INO80: variants seen among roughly 807,000 people sequenced by gnomAD.
INO80 encodes the protein chromatin-remodeling ATPase INO80.
In INO80, 20 loss-of-function variants were observed where a neutral mutation model predicts 203.4. That is an observed-to-expected ratio of 0.10 (90% CI 0.07 to 0.14). The LOEUF is 0.14. INO80 is among the 10% of genes least tolerant of loss of function. The probability of loss-of-function intolerance (pLI) is 1.00; values close to 1 mark genes in which losing one functional copy is unlikely to be tolerated. For missense variants in INO80, 1,419 were observed against 1,914.4 expected, an observed-to-expected ratio of 0.74 and a Z score of 4.83; for synonymous variants, 726 against 685.2, an observed-to-expected ratio of 1.06 and a Z score of -0.93.
intron 24 of INO80, among the ~76,000 whole-genome samples, chr15:41,035,122 T>C (rs544015206): frequency 6.6e-6 from 1 of 152,330 alleles, no homozygotes; most frequent in African/African-American, 2.4e-5. Flanking sequence ...TCCAAAATCC[T>C]TTCTAGTTGA....
chr15:41,069,659 T>A lies in INO80; in HGVS notation c.1693A>T (p.Asn565Tyr). 6.2e-7 allele frequency: 1 copy of A among 1,601,904 alleles called. No homozygotes were observed. Among genetic ancestry groups the A allele is most frequent in the Non-Finnish European group, 8.5e-7 (1 of 1,171,756 alleles). ...ALLAHLAERE[N>Y]IWGPFLIISP... ...ATTATTAAGAAAGGTCCCCAAATGT[T>A]CTCTCTCTGCAACAGAAAAACCCAG... is the stretch of plus-strand genomic sequence containing the variant. The change falls in exon 14 of 36, where the codon AAC becomes TAC. Residue 565 changes from asparagine to tyrosine, a missense_variant. Asn to Tyr is a moderately radical substitution (Grantham distance 143). Around this residue, in one of 9 missense-constraint regions of INO80, gnomAD observed 192 missense variants for 406.7 expected, o/e 0.47. Transcript: ENST00000648947.
At chr15:41,001,231 C>G (rs1251267157) in intron 28 of INO80, among the ~76,000 whole-genome samples, 1 of 152,158 alleles carries the variant, frequency 6.6e-6, no homozygotes, top group African/African-American at 2.4e-5. Context: ...GCTGAAAAGG[C>G]ATCTCAACTC....
chr15:41,034,137 T>G (rs963177785), intron 24 of INO80, among the ~76,000 whole-genome samples: 18 of 152,230 alleles, frequency 1.2e-4, no homozygotes, highest in Admixed American at 9.2e-4. Flanking sequence ...CTTAGCCTAG[T>G]TCTTAGCTTC....
At chr15:41,060,759 G>C (rs1266274274) in intron 14 of INO80, among the ~76,000 whole-genome samples, 1 of 152,098 alleles carries the variant, frequency 6.6e-6, no homozygotes, top group Non-Finnish European at 1.5e-5. Flanking sequence ...CTGAATTCCA[G>C]ATTAAAAAGG....
rs760243088 is a variant in INO80 at position 40,984,360 on chromosome 15, C to A, written c.3922-8G>T. On this transcript the variant is annotated splice_polypyrimidine_tract_variant and splice_region_variant and intron_variant, in intron 32 of 35. Transcript: ENST00000648947. ...TTCATCTTCTTTTTTCTTCTGGGAACACACGGATAAATATGGAAAACGTGT... is the reference window on the plus strand; with the variant it reads ...TTCATCTTCTTTTTTCTTCTGGGAAAACACGGATAAATATGGAAAACGTGT... 6.2e-7 allele frequency: 1 copy of A among 1,613,300 alleles called. No homozygotes were observed. The highest frequency in any genetic ancestry group is 1.1e-5 in the South Asian group (1 of 91,034).
At chr15:41,063,191 G>A (rs2045144864) in intron 14 of INO80, among the ~76,000 whole-genome samples, 1 of 151,820 alleles carries the variant, frequency 6.6e-6, no homozygotes, top group Non-Finnish European at 1.5e-5. Context: ...ACCAAAATTA[G>A]TTGGGTGTGG....
At chr15:41,073,326 T>TA (rs1213869973) in intron 11 of INO80, 102 bp downstream of exon 11, 1 of 989,256 alleles carries the variant, frequency 1.0e-6, no homozygotes, top group Non-Finnish European at 1.6e-6. Flanking sequence ...TCTATGCTTT[T>TA]AATTGCAAAT....
At chr15:41,016,531 T>A (rs1173766843) in intron 26 of INO80, among the ~76,000 whole-genome samples, 2 of 152,254 alleles carry the variant, frequency 1.3e-5, no homozygotes, top group African/African-American at 4.8e-5. Flanking sequence ...TGGACATCTA[T>A]GGGTGACATC....
At chr15:41,057,797 C>CAAAAAAAAAAAAAAAA (rs35197370) in intron 16 of INO80, among the ~76,000 whole-genome samples, 2 of 29,338 alleles carry the variant, frequency 6.8e-5, no homozygotes, top group African/African-American at 1.2e-4. Flanking sequence ...AACTACATCT[C>CAAAAAAAAAAAAAAAA]AAAAAAAAAA....
chr15:41,079,996 C>A, intron 8 of INO80, 92 bp from the exon 9 acceptor site: 1 of 1,089,602 alleles, frequency 9.2e-7, no homozygotes, highest in South Asian at 1.3e-5. Context: ...TCAATCTGTT[C>A]AGCCAAACTG....
chr15:41,040,037 A>C (rs952341902), intron 24 of INO80, among the ~76,000 whole-genome samples: 1 of 152,160 alleles, frequency 6.6e-6, no homozygotes, highest in African/African-American at 2.4e-5. Flanking sequence ...GACTGCTAAA[A>C]AGAGGTGAGA....
chr15:41,054,983 G>C (rs1333367982), intron 18 of INO80, among the ~76,000 whole-genome samples: 1 of 152,096 alleles, frequency 6.6e-6, no homozygotes, highest in Non-Finnish European at 1.5e-5. Context: ...AATTCTGCAA[G>C]CTAAAATATA....
intron 35 of INO80, among the ~76,000 whole-genome samples, chr15:40,982,377 G>A (rs939717070): frequency 1.1e-4 from 16 of 152,156 alleles, no homozygotes; most frequent in African/African-American, 3.6e-4. Context: ...TCGAACTCCT[G>A]GCCTCAAGTG....
Position 41,049,167 on chromosome 15 carries a change from C to A in INO80, c.2576+120G>T, listed in dbSNP as rs549545127. 2,559 of 779,750 alleles carry A rather than the reference C, an allele frequency of 3.3e-3. 14 individuals are homozygous for A. Among genetic ancestry groups the A allele is most frequent in the South Asian group, 0.012 (480 of 41,698 alleles). The allele number at this position is 779,750 out of a possible 1,614,324, so 48.3% of individuals were successfully genotyped here. A position where few individuals can be genotyped will look rare whatever the true frequency, so the allele number is the denominator to read the frequency against. ...AGATCCCTCAACAAATAGTTGTCCACCCTTTGCTTAAATGTCTCATTGCTG... is the reference window on the plus strand; with the variant it reads ...AGATCCCTCAACAAATAGTTGTCCAACCTTTGCTTAAATGTCTCATTGCTG... On this transcript the variant is annotated intron_variant, in intron 21 of 35. Coordinates refer to ENST00000648947, the MANE Select transcript of INO80 (RefSeq NM_017553.3).
chr15:41,009,040 C>T (rs1324178425), intron 27 of INO80, among the ~76,000 whole-genome samples: 1 of 152,108 alleles, frequency 6.6e-6, no homozygotes, highest in African/African-American at 2.4e-5. Flanking sequence ...CCATGTTGGT[C>T]GGGCTGATCT....
intron 14 of INO80, among the ~76,000 whole-genome samples, chr15:41,067,872 T>A (rs1355476767): frequency 1.3e-5 from 2 of 152,310 alleles, no homozygotes; most frequent in East Asian, 3.9e-4. Flanking sequence ...GAACACATAT[T>A]TAACTCATTT....
In INO80 at chr15:40,997,544, G is replaced by A. The variant is rs558699234; in HGVS notation, c.3555C>T (p.Leu1185=). The change falls in exon 29 of 36, where the codon CTC becomes CTT. Residue 1185 remains leucine (L), a synonymous_variant. Transcript: ENST00000648947. The stretch of plus-strand genomic sequence containing the variant: ...CATTACTTACTGTGTCTGCAGCAGT[G>A]AGATTGATACCCAGTCCTCCAGCTC... ...STRAGGLGIN[L]TAADTVIFYD... 1.7e-5 allele frequency: 27 copies of A among 1,609,434 alleles called. No homozygotes were observed. Among genetic ancestry groups the A allele is most frequent in the African/African-American group, 2.7e-5 (2 of 74,812 alleles).
intron 1 of INO80, among the ~76,000 whole-genome samples, chr15:41,099,209 TGCTCCAGCCTG>T (rs1342665155): frequency 8.3e-6 from 1 of 121,052 alleles, no homozygotes; most frequent in African/African-American, 3.2e-5. Context: ...TGTGCCACTG[TGCTCCAGCCTG>T]GAGTAAGACC....
intron 31 of INO80, 111 bp downstream of exon 31, chr15:40,986,980 A>T (rs1344527045): frequency 6.7e-6 from 4 of 597,400 alleles, no homozygotes; most frequent in Middle Eastern, 2.9e-4. Context: ...TGAGCACAAA[A>T]ATACTTTCCC....
Sources: allele counts gnomAD v4.1 joint callset (sites outside exome capture counted in the v4.1 genomes callset), GRCh38; gene constraint gnomAD v4.1.1; regional missense constraint gnomAD v4.1.1; transcripts MANE v1.5; gene names NCBI Gene and HGNC (gene_info 2026-07-23, HGNC 2026-07-21).